The following CNTN6 variants were observed in gnomAD, a reference collection of about 807,000 sequenced individuals.
CNTN6 encodes contactin 6, also known as contactin-6.
Under a neutral mutation model 122.8 loss-of-function variants are expected in CNTN6, and 137 were observed. That is an observed-to-expected ratio of 1.12 (90% CI 0.97 to 1.29). The LOEUF is 1.29. CNTN6 is among the 50% of genes most tolerant of loss of function. The pLI, the probability that CNTN6 is intolerant of heterozygous loss-of-function variation, is 0.00. For synonymous variants in CNTN6, 570 were observed against 426.0 expected (o/e 1.34, Z -4.16); for missense variants, 1,634 against 1,223.4 (o/e 1.34, Z -5.01).
intron 2 of CNTN6, among the ~76,000 whole-genome samples, chr3:1,190,210 C>G (rs1275097740): frequency 2.6e-5 from 4 of 152,150 alleles, no homozygotes; most frequent in African/African-American, 9.7e-5. Context: ...TCTGATGTCT[C>G]TTTTTATAAG....
chr3:1,161,769 T>TACACACAC (rs558137459), intron 2 of CNTN6, among the ~76,000 whole-genome samples: 52 of 143,114 alleles, frequency 3.6e-4, no homozygotes, highest in African/African-American at 1.2e-3. Flanking sequence ...TATATATGTA[T>TACACACAC]ACACACACAC....
intron 4 of CNTN6, among the ~76,000 whole-genome samples, chr3:1,253,114 C>A (rs1381246255): frequency 1.3e-5 from 2 of 152,148 alleles, no homozygotes; most frequent in African/African-American, 4.8e-5. Flanking sequence ...GGCAAAGCCC[C>A]TTCAGAATAC....
At chr3:1,130,662 T>C (rs1053079367) in intron 1 of CNTN6, among the ~76,000 whole-genome samples, 4 of 152,118 alleles carry the variant, frequency 2.6e-5, no homozygotes, top group Admixed American at 6.6e-5. Context: ...TTTCTTGGGA[T>C]CCCAACTAAA....
chr3:1,382,313 G>A (rs1298356649), intron 17 of CNTN6, among the ~76,000 whole-genome samples: 1 of 152,116 alleles, frequency 6.6e-6, no homozygotes, highest in East Asian at 1.9e-4. Flanking sequence ...TGCTATTTTA[G>A]TAATTTTAGA....
chr3:1,314,036 A>T (rs1170064118), intron 7 of CNTN6, among the ~76,000 whole-genome samples: 2 of 152,056 alleles, frequency 1.3e-5, no homozygotes, highest in African/African-American at 2.4e-5. Context: ...TTTGGGGAGG[A>T]CACAAACATT....
At chr3:1,310,102 AT>A (rs397977865) in intron 7 of CNTN6, among the ~76,000 whole-genome samples, 2 of 151,218 alleles carry the variant, frequency 1.3e-5, no homozygotes, top group Admixed American at 6.6e-5. Context: ...ATCTATATAC[AT>A]TTTTTTTGCC....
rs546059521 is a variant in CNTN6 at position 1,156,629 on chromosome 3, TTC to T, written c.55+8570_55+8571del. Among the ~76,000 whole-genome samples the T allele has an allele frequency of 9.1e-3, 1,374 of 151,070 alleles. 15 individuals carry two copies. Among genetic ancestry groups the T allele is most frequent in the African/African-American group, 0.026 (1,066 of 40,840 alleles). On this transcript the variant is annotated intron_variant, in intron 2 of 22. Transcript: ENST00000446702. ...CTTTCTTTTTCTTTTCTTTCTTTCT[TTC>T]TCTTTCTTTCTTTCTTGCTCTTGCT...
chr3:1,121,812 A>AT lies in CNTN6; in HGVS notation c.-82-26110dup, dbSNP rs112816717. On this transcript the variant is annotated intron_variant, in intron 1 of 22. Coordinates refer to ENST00000446702, the MANE Select transcript of CNTN6 (RefSeq NM_001289080.2). ...ATTGTTGAGTTTAGGTAGGCCACAC[A>AT]TTTTTGCTTAGAGCTGACTCCAAAC... Among the ~76,000 whole-genome samples the AT allele has an allele frequency of 1.1e-3, 160 of 151,978 alleles. 1 individual carries two copies. The highest frequency in any genetic ancestry group is 3.7e-3 in the African/African-American group (152 of 41,492).
chr3:1,303,060 C>T (rs992600931), intron 7 of CNTN6, among the ~76,000 whole-genome samples: 2 of 152,092 alleles, frequency 1.3e-5, no homozygotes, highest in African/African-American at 2.4e-5. Context: ...AGCCATCCCT[C>T]ATTTGTGTTA....
At chr3:1,245,270 T>TAAC (rs1469000876) in intron 4 of CNTN6, among the ~76,000 whole-genome samples, 4 of 4,418 alleles carry the variant, frequency 9.1e-4, no homozygotes, top group Non-Finnish European at 1.6e-3. Flanking sequence ...TATATATATA[T>TAAC]ATATACACAC....
intron 11 of CNTN6, among the ~76,000 whole-genome samples, chr3:1,340,985 T>A (rs1296105594): frequency 6.6e-6 from 1 of 152,130 alleles, no homozygotes; most frequent in Non-Finnish European, 1.5e-5. Context: ...CCCAAAGCTT[T>A]CAGCAGAAAC....
At chr3:1,386,951 C>T (rs17038510) in intron 20 of CNTN6, among the ~76,000 whole-genome samples, 40,104 of 151,964 alleles carry the variant, frequency 0.26, 5,763 homozygotes, top group East Asian at 0.62. Context: ...AGTTAGGAAC[C>T]ATCTCAGAGA....
intron 2 of CNTN6, among the ~76,000 whole-genome samples, chr3:1,217,971 C>G (rs2125508256): frequency 6.6e-6 from 1 of 152,332 alleles, no homozygotes; most frequent in African/African-American, 2.4e-5. Context: ...TTCCCCTTCC[C>G]TTTCTTTCAT....
At chr3:1,331,026 T>C (rs567288930) in intron 11 of CNTN6, among the ~76,000 whole-genome samples, 1 of 151,978 alleles carries the variant, frequency 6.6e-6, no homozygotes, top group Admixed American at 6.6e-5. Context: ...AGGGACATCA[T>C]TTTATCACTT....
chr3:1,324,495 C>G (rs1240915479), intron 8 of CNTN6, among the ~76,000 whole-genome samples: 1 of 149,594 alleles, frequency 6.7e-6, no homozygotes, highest in South Asian at 2.1e-4. Flanking sequence ...TTGGCTCCTT[C>G]GTGAGCCTAC....
chr3:1,384,156 C>T (rs1030879519), intron 19 of CNTN6, among the ~76,000 whole-genome samples: 1 of 152,308 alleles, frequency 6.6e-6, no homozygotes, highest in East Asian at 1.9e-4. Context: ...ACTGTGCACA[C>T]AGAGTCAACA....
At chr3:1,191,482 T>C (rs1399853327) in intron 2 of CNTN6, among the ~76,000 whole-genome samples, 4 of 152,154 alleles carry the variant, frequency 2.6e-5, no homozygotes, top group Admixed American at 6.5e-5. Flanking sequence ...AGGTGGGTGG[T>C]GCACCCCAAC....
chr3:1,255,118 A>G (rs1026145725), intron 4 of CNTN6, among the ~76,000 whole-genome samples: 1 of 152,238 alleles, frequency 6.6e-6, no homozygotes, highest in Non-Finnish European at 1.5e-5. Context: ...TCCAAGAGCA[A>G]GGGGATAGAA....
intron 1 of CNTN6, among the ~76,000 whole-genome samples, chr3:1,129,980 T>C (rs898225134): frequency 2.2e-4 from 33 of 152,198 alleles, no homozygotes; most frequent in Non-Finnish European, 4.0e-4. Context: ...TAGATATATT[T>C]TTAATGTTGA....
Sources: allele counts gnomAD v4.1 joint callset (sites outside exome capture counted in the v4.1 genomes callset), GRCh38; gene constraint gnomAD v4.1.1; transcripts MANE v1.5; gene names NCBI Gene and HGNC (gene_info 2026-07-23, HGNC 2026-07-21).